Variants in PRKG1 observed in about 807,000 individuals in gnomAD.
The protein encoded by PRKG1 is protein kinase cGMP-dependent 1.
PRKG1 carries 35 observed loss-of-function variants against 88.1 expected under a neutral mutation model. The observed-to-expected ratio is 0.40, with a 90% confidence interval of 0.30 to 0.53. The LOEUF (loss-of-function observed/expected upper bound fraction) is 0.53, where lower values mean the gene tolerates loss of function less well. PRKG1 is among the 20% of genes least tolerant of loss of function. The probability of loss-of-function intolerance (pLI) is 0.59; values close to 1 mark genes in which losing one functional copy is unlikely to be tolerated. For synonymous variants in PRKG1, 303 were observed against 292.5 expected (o/e 1.04, Z -0.37); for missense variants, 540 against 839.8 (o/e 0.64, Z 4.41).
intron 10 of PRKG1, among the ~76,000 whole-genome samples, chr10:52,254,765 G>C (rs967140420): frequency 1.3e-5 from 2 of 152,010 alleles, no homozygotes; most frequent in Admixed American, 6.6e-5. Context: ...TTTATAAATA[G>C]TTTATTATCA....
At chr10:51,813,135 A>G (rs1264213870) in intron 4 of PRKG1, among the ~76,000 whole-genome samples, 1 of 152,244 alleles carries the variant, frequency 6.6e-6, no homozygotes, top group African/African-American at 2.4e-5. Context: ...CATCATTTCC[A>G]TAGTCTAAAA....
intron 2 of PRKG1, among the ~76,000 whole-genome samples, chr10:51,328,341 T>C (rs1841645764): frequency 6.6e-6 from 1 of 152,214 alleles, no homozygotes; most frequent in Non-Finnish European, 1.5e-5. Context: ...AGTATTCCAT[T>C]GTACATGTTT....
At chr10:51,797,305 A>G (rs1839038184) in intron 3 of PRKG1, among the ~76,000 whole-genome samples, 4 of 148,184 alleles carry the variant, frequency 2.7e-5, no homozygotes, top group South Asian at 4.2e-4. Context: ...AGTAAAATAT[A>G]TATTTTTTAC....
chr10:52,040,364 C>T (rs148726712), intron 5 of PRKG1, among the ~76,000 whole-genome samples: 60 of 152,236 alleles, frequency 3.9e-4, no homozygotes, highest in African/African-American at 1.2e-3. Flanking sequence ...CATAATCTGT[C>T]GGGGCAAACT....
intron 2 of PRKG1, among the ~76,000 whole-genome samples, chr10:51,164,129 C>G (rs1055183008): frequency 1.1e-4 from 17 of 152,310 alleles, no homozygotes; most frequent in Non-Finnish European, 1.8e-4. Flanking sequence ...CCCGAGCAGC[C>G]TAACTGGGAG....
Position 51,698,224 on chromosome 10 carries a change from C to T in PRKG1, c.593-106361C>T, listed in dbSNP as rs200607148. ...TTGCTTCCATCCCTCTGGTTTCCAT[C>T]GCACAGGTCTCCATTCCTCTCCTCT... On this transcript the variant is annotated intron_variant, in intron 3 of 17. Coordinates refer to ENST00000373980, the MANE Select transcript of PRKG1 (RefSeq NM_006258.4). The T allele has an allele frequency of 1.5e-5, 25 of 1,614,146 alleles. No homozygotes were observed. The Admixed American group carries it at 2.3e-4, about 15-fold the overall frequency.
In PRKG1 at chr10:51,964,046, T is replaced by C. The variant is rs896268898; in HGVS notation, c.762+56476T>C. ...GTTCCATGGAAAAAATCTGTTTTTT[T>C]GCCTTTTCACTGTTTCTGGAGGCAC... On this transcript the variant is annotated intron_variant, in intron 5 of 17. Coordinates refer to ENST00000373980, the MANE Select transcript of PRKG1 (RefSeq NM_006258.4). Among the ~76,000 whole-genome samples the C allele has an allele frequency of 2.2e-4, 34 of 152,210 alleles. 2 individuals are homozygous for C. Among genetic ancestry groups the C allele is most frequent in the Admixed American group, 2.0e-3 (30 of 15,282 alleles).
At chr10:51,656,832 C>T (rs1476588676) in intron 3 of PRKG1, among the ~76,000 whole-genome samples, 2 of 152,080 alleles carry the variant, frequency 1.3e-5, no homozygotes, top group African/African-American at 4.8e-5. Flanking sequence ...TATCATTTGC[C>T]TTCACACATC....
chr10:51,904,955 G>A (rs1842054107), intron 4 of PRKG1, among the ~76,000 whole-genome samples: 1 of 152,040 alleles, frequency 6.6e-6, no homozygotes, highest in Admixed American at 6.6e-5. Flanking sequence ...AATAGGTGTA[G>A]TATAATAGGA....
chr10:51,920,876 A>G (rs1269000486), intron 5 of PRKG1, among the ~76,000 whole-genome samples: 1 of 152,144 alleles, frequency 6.6e-6, no homozygotes, highest in Non-Finnish European at 1.5e-5. Flanking sequence ...GAGAATTCTC[A>G]TATACTCCCT....
At chr10:51,898,192 T>A (rs1483078756) in intron 4 of PRKG1, among the ~76,000 whole-genome samples, 1 of 152,144 alleles carries the variant, frequency 6.6e-6, no homozygotes, top group Non-Finnish European at 1.5e-5. Context: ...TCTGCTCAGA[T>A]CTTACCTTTA....
upstream of PRKG1, among the ~76,000 whole-genome samples, chr10:51,069,510 C>T (rs540473222): frequency 5.3e-5 from 8 of 151,966 alleles, no homozygotes; most frequent in Non-Finnish European, 1.0e-4. Context: ...GAATTATTGT[C>T]TAATTTATCA....
Position 52,141,664 on chromosome 10 carries a change from G to T in PRKG1, c.1001+7759G>T, listed in dbSNP as rs982092166. On this transcript the variant is annotated intron_variant, in intron 8 of 17. Coordinates refer to ENST00000373980, the MANE Select transcript of PRKG1 (RefSeq NM_006258.4). Reference sequence around the variant, plus strand: ...TTCTCTTTAGTAACCTTTTGACTCTGCTCAAAGTAAAAGAAGTCCAGTCTC... The same window carrying T: ...TTCTCTTTAGTAACCTTTTGACTCTTCTCAAAGTAAAAGAAGTCCAGTCTC... Among the ~76,000 whole-genome samples, 10 of 152,248 alleles carry T rather than the reference G, an allele frequency of 6.6e-5. 1 individual carries two copies. The South Asian group carries it at 1.5e-3, about 22-fold the overall frequency.
chr10:51,963,265 A>C (rs371735806), intron 5 of PRKG1, among the ~76,000 whole-genome samples: 4 of 152,176 alleles, frequency 2.6e-5, no homozygotes, highest in South Asian at 4.1e-4. Flanking sequence ...AGATTCAAAA[A>C]TAGGCAGTTG....
At chr10:51,670,539 A>G (rs978106304) in intron 3 of PRKG1, among the ~76,000 whole-genome samples, 3 of 150,420 alleles carry the variant, frequency 2.0e-5, no homozygotes, top group African/African-American at 7.3e-5. Flanking sequence ...GATCGAGACC[A>G]TCCCGGCTAA....
intron 2 of PRKG1, among the ~76,000 whole-genome samples, chr10:51,258,157 C>T (rs1348507574): frequency 2.0e-5 from 3 of 152,082 alleles, no homozygotes; most frequent in Non-Finnish European, 4.4e-5. Flanking sequence ...TAAGGCTTCT[C>T]CAGACACGAC....
rs566831111 is a variant in PRKG1, at chr10:51,581,506, C to G, written c.592+113670C>G. On this transcript the variant is annotated intron_variant, in intron 3 of 17. Coordinates refer to ENST00000373980, the MANE Select transcript of PRKG1 (RefSeq NM_006258.4). ...CCTCATGCGTCTGTTTATAGGCTCT[C>G]CACAAGGGTCGCATTCCATTCCCCG... 1.1e-4 allele frequency among the ~76,000 whole-genome samples: 16 copies of G among 152,182 alleles called. No homozygotes were observed. The East Asian group carries it at 2.9e-3, about 28-fold the overall frequency.
At chr10:51,306,496 G>A (rs1841041531) in intron 2 of PRKG1, 2 of 152,190 alleles carry the variant, frequency 1.3e-5, no homozygotes, top group African/African-American at 2.4e-5. Context: ...TGGAGGGGAG[G>A]CAGAGAAAAT....
intron 9 of PRKG1, among the ~76,000 whole-genome samples, chr10:52,166,789 A>ATC (rs1838455042): frequency 7.8e-5 from 1 of 12,812 alleles, no homozygotes. Context: ...AAAAAAGCCT[A>ATC]TATATATACA....
Sources: allele counts gnomAD v4.1 joint callset (sites outside exome capture counted in the v4.1 genomes callset), GRCh38; gene constraint gnomAD v4.1.1; transcripts MANE v1.5; gene names NCBI Gene and HGNC (gene_info 2026-07-23, HGNC 2026-07-21).